The following EPS8L3 variants were observed in gnomAD, a reference collection of about 807,000 sequenced individuals.
EPS8L3 encodes epidermal growth factor receptor kinase substrate 8-like protein 3.
EPS8L3 carries 80 observed loss-of-function variants against 88.5 expected under a neutral mutation model. That is an observed-to-expected ratio of 0.90 (90% confidence interval 0.75 to 1.09). The LOEUF is 1.09. Ranked by LOEUF, EPS8L3 falls within the 50% of genes least tolerant of loss-of-function variation. The probability of loss-of-function intolerance (pLI) is 0.00; values close to 1 mark genes in which losing one functional copy is unlikely to be tolerated. For synonymous variants in EPS8L3, 286 were observed against 291.0 expected, an observed-to-expected ratio of 0.98 and a Z score of 0.18; for missense variants, 721 against 735.2, an observed-to-expected ratio of 0.98 and a Z score of 0.22.
In EPS8L3 at chr1:109,752,168, T is replaced by G; in HGVS notation, c.1261A>C (p.Thr421Pro). The change falls in exon 15 of 19, where the codon ACC becomes CCC. Residue 421 changes from threonine (T) to proline (P), a missense_variant. Coordinates refer to ENST00000361965, the MANE Select transcript of EPS8L3 (RefSeq NM_133181.4). ...GTCTTCTCCTGAGGAAAGTGTGAGG[T>G]GCTCCCTAACCTATGACTTCCCCGC... ...LRRGSHRLGS[T>P]SHFPQEKTHN... 6.2e-7 allele frequency: 1 copy of G among 1,613,926 alleles called. No individual in the cohort carries two copies. The highest frequency in any genetic ancestry group is 8.5e-7 in the Non-Finnish European group (1 of 1,179,894).
chr1:109,761,437 GCA>G (rs998335728), intron 3 of EPS8L3, 56 bp downstream of exon 3: 53 of 1,476,500 alleles, frequency 3.6e-5, no homozygotes, highest in Non-Finnish European at 4.8e-5. Context: ...AGGGCGGTGG[GCA>G]CATGGGAACA....
intron 17 of EPS8L3, 98 bp downstream of exon 17, chr1:109,751,174 TCATGTA>T: frequency 1.0e-6 from 1 of 977,444 alleles, no homozygotes; most frequent in Non-Finnish European, 1.6e-6. Context: ...TGGATCGGGG[TCATGTA>T]CAATGTAGGC....
At position 109,759,299 on chromosome 1, in the gene EPS8L3, G is replaced by A. The variant is rs1650656861; in HGVS notation, c.344C>T (p.Thr115Ile). 3 of 1,614,174 alleles carry A rather than the reference G, an allele frequency of 1.9e-6. No homozygotes were observed. Among genetic ancestry groups the A allele is most frequent in the African/African-American group, 1.3e-5 (1 of 75,042 alleles). Reference protein sequence around the residue: ...TCSYNSILSITVQEPGLPGTS... With the variant: ...TCSYNSILSIIVQEPGLPGTS... ...GCCTGGCAGGCCCGGCTCCTGCACG[G>A]TGATGGACAGGATGGAGTTGTAGGA... The change falls in exon 5 of 19, where the codon ACC becomes ATC. Residue 115 changes from threonine (T) to isoleucine (I), a missense_variant. Physicochemically the swap from Thr to Ile is moderately conservative, Grantham distance 89 (BLOSUM62 -1). Coordinates refer to ENST00000361965, the MANE Select transcript of EPS8L3 (RefSeq NM_133181.4). The surrounding 1 kb of genome is among the most constrained non-coding windows in gnomAD (Gnocchi z 4.2).
rs746026936 is a variant in EPS8L3, at chr1:109,757,804, G to A, written c.892C>T (p.Leu298=). The change falls in exon 10 of 19, where the codon CTG becomes TTG. Residue 298 remains leucine, a splice_region_variant and synonymous_variant. Transcript: ENST00000361965. ...TGAACTTGTGGGGAGCCACCTACCA[G>A]GAGGTTGAAGCTGTGCTTGATCTTC... The part of the protein sequence containing the change: ...FQKIKHSFNL[L]GRLATWLKET... The A allele has an allele frequency of 9.9e-6, 16 of 1,614,004 alleles. No homozygotes were observed. In the Admixed American group the frequency reaches 2.7e-4, roughly 27 times the overall value.
Position 109,758,540 on chromosome 1 carries a change from C to T in EPS8L3, c.585G>A (p.Gln195=). Reference sequence around the variant, plus strand: ...CAAACTTACTGTGCTCTAGGGTCCTCTGGTGGGGCTGTTCTGGAGGGATCC... The same window carrying T: ...CAAACTTACTGTGCTCTAGGGTCCTTTGGTGGGGCTGTTCTGGAGGGATCC... ...EPGIPPEQPH[Q]RTLEHSLPPS... The change falls in exon 7 of 19, where the codon CAG becomes CAA. Residue 195 remains glutamine, a synonymous_variant. Transcript: ENST00000361965. The T allele has an allele frequency of 6.2e-7, 1 of 1,606,962 alleles. No homozygotes were observed. Among genetic ancestry groups the T allele is most frequent in the Non-Finnish European group, 8.5e-7 (1 of 1,176,274 alleles).
At chr1:109,760,747 G>A (rs1392783607) in intron 3 of EPS8L3, among the ~76,000 whole-genome samples, 2 of 151,956 alleles carry the variant, frequency 1.3e-5, no homozygotes, top group African/African-American at 4.8e-5. Context: ...GCAGACCATC[G>A]CCCCAGCTCC....
chr1:109,757,921 C>T (rs772048224), intron 9 of EPS8L3, 23 bp downstream of exon 9: 1 of 1,613,750 alleles, frequency 6.2e-7, no homozygotes, highest in South Asian at 1.1e-5. Context: ...CCCTACTCCT[C>T]TTCCCTGGCC....
At chr1:109,753,307 G>T in intron 12 of EPS8L3, 109 bp from the exon 13 acceptor site, 1 of 841,884 alleles carries the variant, frequency 1.2e-6, no homozygotes, top group South Asian at 1.7e-5. Context: ...GGAATCTTTT[G>T]GCTAATAGGT....
At position 109,758,308 on chromosome 1, in the gene EPS8L3, G is replaced by A. The variant is rs547537319; in HGVS notation, c.717+8C>T. 7 of 1,608,930 alleles carry A rather than the reference G, an allele frequency of 4.4e-6. No individual in the cohort carries two copies. Among genetic ancestry groups the A allele is most frequent in the East Asian group, 4.5e-5 (2 of 44,872 alleles). On this transcript the variant is annotated splice_region_variant and intron_variant, in intron 8 of 18. Transcript: ENST00000361965. ...AGCCTCAGCAAACTCAAGACCATCC[G>A]CAGTTACCTCGTCCCTCTCTGGGTC...
At chr1:109,758,177 T>A (rs929154392) in intron 8 of EPS8L3, 119 bp from the exon 9 acceptor site, 2 of 1,281,950 alleles carry the variant, frequency 1.6e-6, no homozygotes, top group Non-Finnish European at 2.2e-6. Flanking sequence ...GCCTGGAGTA[T>A]AAACAAGCCT....
Position 109,759,144 on chromosome 1 carries a change from A to AGTGTGT in EPS8L3, c.406-33_406-28dup, listed in dbSNP as rs3220009. ...TGGGAAGCAGCAGTCAGGCAGGCTA[A>AGTGTGT]GTGTGTGTGTGTGTGTGTGTGTGTG... On this transcript the variant is annotated intron_variant, in intron 5 of 18. Transcript: ENST00000361965. The surrounding 1 kb of genome is among the most constrained non-coding windows in gnomAD (Gnocchi z 4.2). The AGTGTGT allele has an allele frequency of 7.3e-5, 109 of 1,492,556 alleles. 1 individual carries two copies. The highest frequency in any genetic ancestry group is 2.4e-4 in the South Asian group (21 of 86,422). 92.5% of individuals were successfully genotyped at this position (1,492,556 alleles called of 1,614,324 possible). A position where few individuals can be genotyped will look rare whatever the true frequency, so the allele number is the denominator to read the frequency against.
At position 109,759,938 on chromosome 1, in the gene EPS8L3, C is replaced by A; in HGVS notation, c.97-102G>T. ...GCAGAAGAGGAAGAAGACGTGTCCT[C>A]GGCCCCCTTGAGGTAGGAGGTTCCA... On this transcript the variant is annotated intron_variant, in intron 3 of 18. Coordinates refer to ENST00000361965, the MANE Select transcript of EPS8L3 (RefSeq NM_133181.4). The surrounding 1 kb of genome is among the most constrained non-coding windows in gnomAD (Gnocchi z 4.2). 7.7e-7 allele frequency: 1 copy of A among 1,303,882 alleles called. No individual in the cohort carries two copies. Among genetic ancestry groups the A allele is most frequent in the Non-Finnish European group, 1.1e-6 (1 of 947,788 alleles). 80.8% of individuals were successfully genotyped at this position (1,303,882 alleles called of 1,614,324 possible). A position where few individuals can be genotyped will look rare whatever the true frequency, so the allele number is the denominator to read the frequency against.
At chr1:109,755,098 G>A (rs1347683314) in intron 12 of EPS8L3, among the ~76,000 whole-genome samples, 9 of 152,204 alleles carry the variant, frequency 5.9e-5, no homozygotes, top group East Asian at 1.9e-4. Context: ...TGAATGAATC[G>A]TGAAGACATT....
chr1:109,758,088 C>A lies in EPS8L3; in HGVS notation c.718-30G>T, dbSNP rs759241759. ...GCCCCAAACAACCCATGGCCTTGAA[C>A]GGGCAGTTGGGCCCACCCTGGAACT... On this transcript the variant is annotated intron_variant, in intron 8 of 18. Transcript: ENST00000361965. 3 of 1,597,608 alleles carry A rather than the reference C, an allele frequency of 1.9e-6. No homozygotes were observed. The South Asian group carries it at 3.3e-5, about 18-fold the overall frequency.
chr1:109,753,156 T>C lies in EPS8L3; in HGVS notation c.1161A>G (p.Thr387=), dbSNP rs1340617700. ...TGDEPLPYQP[T]FSDDWQLPEP... is the part of the protein sequence containing the mutation. ...CTGGAAGTTGCCAGTCATCTGAGAA[T>C]GTGGGTTGGTAGGGCAGGGGCTCAT... Residue 387 remains threonine (T), a synonymous_variant, in exon 13 of 19, where the codon ACA becomes ACG. Coordinates refer to ENST00000361965, the MANE Select transcript of EPS8L3 (RefSeq NM_133181.4). The C allele has an allele frequency of 3.1e-6, 5 of 1,613,328 alleles. No individual in the cohort carries two copies. The highest frequency in any genetic ancestry group is 4.2e-6 in the Non-Finnish European group (5 of 1,179,710).
rs149169025 is a variant in EPS8L3, at chr1:109,761,526, G to C, written c.65C>G (p.Ser22Ter). 1 of 1,613,520 alleles carries C rather than the reference G, an allele frequency of 6.2e-7. No individual in the cohort carries two copies. Among genetic ancestry groups the C allele is most frequent in the Non-Finnish European group, 8.5e-7 (1 of 1,179,746 alleles). ...HRKEYSQNLTSEPTLLQHRVE... is the reference protein window; with the variant it reads ...HRKEYSQNLT ...CCTGTGCTGCAGGAGGGTGGGCTCT[G>C]AGGTGAGGTTCTGGGAGTACTCCTT... Residue 22 changes from serine (S) to a stop codon, truncating the protein, a stop_gained, in exon 3 of 19, where the codon TCA becomes TGA. Coordinates refer to ENST00000361965, the MANE Select transcript of EPS8L3 (RefSeq NM_133181.4). LOFTEE classifies it high-confidence loss of function.
rs548855758 is a variant in EPS8L3, at chr1:109,760,586, C to T, written c.97-750G>A. On this transcript the variant is annotated intron_variant, in intron 3 of 18. Coordinates refer to ENST00000361965, the MANE Select transcript of EPS8L3 (RefSeq NM_133181.4). ...GGGACTCTGGCATCATGAGCAAACT[C>T]CATCCTCCTCTTGCTCTGCCTGCTG... 6.6e-5 allele frequency among the ~76,000 whole-genome samples: 10 copies of T among 152,102 alleles called. No individual in the cohort carries two copies. The South Asian group carries it at 2.1e-3, about 32-fold the overall frequency.
intron 17 of EPS8L3, 92 bp from the exon 18 acceptor site, chr1:109,750,884 G>A: frequency 6.7e-7 from 1 of 1,499,036 alleles, no homozygotes; most frequent in Non-Finnish European, 9.1e-7. Flanking sequence ...TGGGCTCGGA[G>A]GTTGGGGTTA....
Position 109,750,650 on chromosome 1 carries a change from G to T in EPS8L3, c.1770+10C>A, listed in dbSNP as rs773976264. ...TCCCAATGGTTGTCAGGACCCCAGG[G>T]TGTCCTCACCCCCAGCATCCTTCTG... is the stretch of plus-strand genomic sequence containing the variant. On this transcript the variant is annotated intron_variant, in intron 18 of 18. Transcript: ENST00000361965. 23 of 1,613,996 alleles carry T rather than the reference G, an allele frequency of 1.4e-5. No homozygotes were observed. The highest frequency in any genetic ancestry group is 1.9e-5 in the Non-Finnish European group (22 of 1,180,012).
Sources: gnomAD v4.1 joint callset for allele counts (sites outside exome capture counted in the v4.1 genomes callset) on GRCh38, gnomAD v4.1.1 for gene constraint, Gnocchi (gnomAD v3.1) non-coding constraint, MANE v1.5 for transcripts, NCBI Gene and HGNC (gene_info 2026-07-23, HGNC 2026-07-21) for gene names.